Variants in COL4A2 observed in about 807,000 individuals in gnomAD.
COL4A2 encodes the protein collagen type IV alpha 2 chain.
Under a neutral mutation model 200.2 loss-of-function variants are expected in COL4A2, and 99 were observed. That is an observed-to-expected ratio of 0.49 (90% confidence interval 0.42 to 0.58). The LOEUF (loss-of-function observed/expected upper bound fraction) is 0.58. Among genes scored for constraint, COL4A2 ranks in the 20% least tolerant of loss-of-function variants. COL4A2 has a pLI of 0.00. For synonymous variants in COL4A2, 897 were observed against 900.6 expected (o/e 1.00, Z 0.07); for missense variants, 1,950 against 2,314.1 (o/e 0.84, Z 3.23).
intron 4 of COL4A2, among the ~76,000 whole-genome samples, chr13:110,402,098 A>C (rs181465385): frequency 1.4e-3 from 215 of 152,276 alleles, no homozygotes; most frequent in African/African-American, 5.0e-3. Context: ...CACATGCAAA[A>C]TACATTCATT....
chr13:110,389,865 C>CAAAAA (rs5806852), intron 4 of COL4A2, among the ~76,000 whole-genome samples: 4 of 148,316 alleles, frequency 2.7e-5, no homozygotes, highest in Non-Finnish European at 3.0e-5. Context: ...CTTTCTAAAG[C>CAAAAA]AAAAAAAAAA....
intron 4 of COL4A2, among the ~76,000 whole-genome samples, chr13:110,404,370 G>A (rs551175177): frequency 2.0e-5 from 3 of 152,260 alleles, no homozygotes; most frequent in South Asian, 4.2e-4. Context: ...TATACTCAGC[G>A]AACATGCTGA....
Position 110,424,342 on chromosome 13 carries a change from C to T in COL4A2, c.181-392C>T, listed in dbSNP as rs9559796. ...GTCTTTTTGATATTTGAATGCAATA[C>T]ACATTTCCACAGTTACTGGATGCAT... On this transcript the variant is annotated intron_variant, in intron 4 of 47. Transcript: ENST00000360467. Among the ~76,000 whole-genome samples, 606 of 150,138 alleles carry T rather than the reference C, an allele frequency of 4.0e-3. 3 individuals carry two copies. Among genetic ancestry groups the T allele is most frequent in the East Asian group, 0.036 (181 of 5,082 alleles).
At position 110,457,151 on chromosome 13, in the gene COL4A2, G is replaced by C. The variant is rs9559804; in HGVS notation, c.1340-192G>C. The C allele has an allele frequency of 2.3e-4, 84 of 359,404 alleles. 1 individual carries two copies. In the African/African-American group the frequency reaches 3.8e-3, roughly 16 times the overall value. 22.3% of individuals were successfully genotyped at this position (359,404 alleles called of 1,614,324 possible). A position where few individuals can be genotyped will look rare whatever the true frequency, so the allele number is the denominator to read the frequency against. ...CCCCAGGCGTCGTGGGGCTGATGCC[G>C]TGCGTCTGCGTGGGACCCCAGGCGT... On this transcript the variant is annotated intron_variant, in intron 20 of 47. Coordinates refer to ENST00000360467, the MANE Select transcript of COL4A2 (RefSeq NM_001846.4).
At chr13:110,363,162 A>G (rs1022371234) in intron 4 of COL4A2, among the ~76,000 whole-genome samples, 6 of 152,156 alleles carry the variant, frequency 3.9e-5, no homozygotes, top group African/African-American at 1.2e-4. Context: ...TGAACGAGTG[A>G]GTGGAGGCCT....
intron 20 of COL4A2, 110 bp downstream of exon 20, chr13:110,450,564 A>C: frequency 7.7e-7 from 1 of 1,299,794 alleles, no homozygotes. Context: ...GAACGAATCC[A>C]GTAGGCCAGT....
intron 29 of COL4A2, among the ~76,000 whole-genome samples, chr13:110,474,869 TAC>T (rs199949906): frequency 2.2e-4 from 18 of 82,580 alleles, no homozygotes; most frequent in African/African-American, 7.7e-4. Context: ...ACACACTCCA[TAC>T]ACACACGTAC....
At chr13:110,424,115 T>C (rs1031737518) in intron 4 of COL4A2, among the ~76,000 whole-genome samples, 2 of 152,120 alleles carry the variant, frequency 1.3e-5, no homozygotes, top group Admixed American at 1.3e-4. Flanking sequence ...CCAGAGTGTT[T>C]TCCAAAGCAC....
chr13:110,313,118 C>T (rs955146692), intron 3 of COL4A2, among the ~76,000 whole-genome samples: 5 of 152,116 alleles, frequency 3.3e-5, no homozygotes, highest in Admixed American at 1.3e-4. Context: ...TTTATCTTCA[C>T]GGTGTCGAGA....
intron 4 of COL4A2, among the ~76,000 whole-genome samples, chr13:110,392,618 G>T (rs1164659775): frequency 6.6e-6 from 1 of 152,150 alleles, no homozygotes; most frequent in Non-Finnish European, 1.5e-5. Context: ...CAGAAAAAAA[G>T]ACCATATTAG....
In COL4A2 at chr13:110,503,954, C is replaced by A. The variant is rs1299518485; in HGVS notation, c.4246C>A (p.Pro1416Thr). ...PQGRRGPPGA[P>T]GEMGPQGPPG... ...GGGGAGGCGAGGCCCCCCTGGGGCA[C>A]CGGGGGAGATGGGGCCCCAGGGCCC... The change falls in exon 44 of 48, where the codon CCG (proline) becomes ACG (threonine). Residue 1416 changes from proline to threonine, a missense_variant. By Grantham distance (38) the Pro-to-Thr change is conservative. Transcript: ENST00000360467. The A allele has an allele frequency of 6.4e-7, 1 of 1,572,856 alleles. No homozygotes were observed. The highest frequency in any genetic ancestry group is 8.6e-7 in the Non-Finnish European group (1 of 1,158,938).
intron 4 of COL4A2, among the ~76,000 whole-genome samples, chr13:110,407,835 G>A (rs1374783550): frequency 3.3e-5 from 5 of 152,206 alleles, no homozygotes; most frequent in Admixed American, 6.5e-5. Context: ...TCTGAAGCCT[G>A]GCTTGTGGGC....
At position 110,450,349 on chromosome 13, in the gene COL4A2, A is replaced by G. The variant is rs566329266; in HGVS notation, c.1234A>G (p.Ile412Val). 1 of 1,613,976 alleles carries G rather than the reference A, an allele frequency of 6.2e-7. No individual in the cohort carries two copies. The highest frequency in any genetic ancestry group is 1.3e-5 in the African/African-American group (1 of 75,048). ...GGGTGAGATGGGACCCAAGGGCTTC[A>G]TCGGAGACCCCGGCATCCCTGCGCT... Reference protein sequence around the residue: ...LPGEMGPKGFIGDPGIPALYG... With the variant: ...LPGEMGPKGFVGDPGIPALYG... Residue 412 changes from isoleucine (I) to valine (V), a missense_variant, in exon 20 of 48, where the codon ATC (isoleucine) becomes GTC (valine). Physicochemically the swap from Ile to Val is conservative, Grantham distance 29. Coordinates refer to ENST00000360467, the MANE Select transcript of COL4A2 (RefSeq NM_001846.4).
chr13:110,372,376 A>G (rs1174135680), intron 4 of COL4A2, among the ~76,000 whole-genome samples: 3 of 152,200 alleles, frequency 2.0e-5, no homozygotes, highest in Admixed American at 1.3e-4. Flanking sequence ...TTTGTGAGCT[A>G]TTTCAGAACC....
chr13:110,401,526 CA>C (rs1879369431), intron 4 of COL4A2, among the ~76,000 whole-genome samples: 1 of 152,296 alleles, frequency 6.6e-6, no homozygotes, highest in East Asian at 1.9e-4. Flanking sequence ...TCAAAGTTCT[CA>C]TTTTGTTTTA....
At chr13:110,400,953 ATT>A (rs1343213584) in intron 4 of COL4A2, among the ~76,000 whole-genome samples, 1 of 152,212 alleles carries the variant, frequency 6.6e-6, no homozygotes, top group Non-Finnish European at 1.5e-5. Context: ...TGGGGCTTCC[ATT>A]GCCTCCTAAC....
chr13:110,474,676 T>TAC (rs113248165), intron 29 of COL4A2, among the ~76,000 whole-genome samples: 3,626 of 55,938 alleles, frequency 0.065, 775 homozygotes, highest in Middle Eastern at 0.13. Context: ...TCACACTCCT[T>TAC]ACACACGTAC....
At chr13:110,455,132 T>C (rs1594225540) in intron 20 of COL4A2, among the ~76,000 whole-genome samples, 1 of 152,052 alleles carries the variant, frequency 6.6e-6, no homozygotes, top group South Asian at 2.1e-4. Flanking sequence ...GTTCCTTCCC[T>C]CTCCAGCCTG....
intron 19 of COL4A2, among the ~76,000 whole-genome samples, chr13:110,450,032 T>C (rs1881477932): frequency 6.6e-6 from 1 of 152,206 alleles, no homozygotes; most frequent in African/African-American, 2.4e-5. Flanking sequence ...CTGGCATGCT[T>C]CCACCTGTGG....
Sources: allele counts gnomAD v4.1 joint callset (sites outside exome capture counted in the v4.1 genomes callset), GRCh38; gene constraint gnomAD v4.1.1; transcripts MANE v1.5; gene names NCBI Gene and HGNC (gene_info 2026-07-23, HGNC 2026-07-21).